The following ZNF800 variants were observed in gnomAD, a reference collection of about 807,000 sequenced individuals.
ZNF800 encodes the protein zinc finger protein 800.
ZNF800 carries 13 observed loss-of-function variants against 59.5 expected under a neutral mutation model. The observed-to-expected ratio is 0.22, with a 90% CI of 0.14 to 0.35. ZNF800 has a LOEUF of 0.35. Among genes scored for constraint, ZNF800 ranks in the 10% least tolerant of loss-of-function variants. ZNF800 has a pLI of 1.00. For missense variants in ZNF800, 621 were observed against 783.7 expected (o/e 0.79, Z 2.48); for synonymous variants, 266 against 265.7 (o/e 1.00, Z -0.01).
At chr7:127,343,951 GA>G (rs1275111407), downstream of ZNF800, among the ~76,000 whole-genome samples, 3 of 152,002 alleles carry the variant, frequency 2.0e-5, no homozygotes, top group Middle Eastern at 6.8e-3. Flanking sequence ...TAGTATATTT[GA>G]ACCATCAAAC....
At chr7:127,387,775 C>T (rs1801181934) in intron 2 of ZNF800, among the ~76,000 whole-genome samples, 1 of 152,044 alleles carries the variant, frequency 6.6e-6, no homozygotes, top group Non-Finnish European at 1.5e-5. Flanking sequence ...CTGGGAGGAT[C>T]GTTTGAGCCC....
chr7:127,386,630 A>G (rs946039729), intron 2 of ZNF800, among the ~76,000 whole-genome samples: 15 of 152,358 alleles, frequency 9.8e-5, no homozygotes, highest in African/African-American at 3.4e-4. Flanking sequence ...TGCCTAAAGA[A>G]ATAACTGAAC....
intron 3 of ZNF800, among the ~76,000 whole-genome samples, chr7:127,382,854 AGCG>A (rs1236067630): frequency 2.6e-5 from 4 of 152,262 alleles, no homozygotes; most frequent in Non-Finnish European, 4.4e-5. Flanking sequence ...ACCATGTAGC[AGCG>A]TTGCCTGAGC....
At position 127,391,380 on chromosome 7, in the gene ZNF800, A is replaced by G. The variant is rs1364660692; in HGVS notation, c.61+117T>C. On this transcript the variant is annotated intron_variant, in intron 2 of 5. Coordinates refer to ENST00000265827, the MANE Select transcript of ZNF800 (RefSeq NM_176814.5). ...CTTCATAACTGGCTTATGCTAGGGAATATCATAGCCTGCTTAAGAATGACT... is the reference window on the plus strand; with the variant it reads ...CTTCATAACTGGCTTATGCTAGGGAGTATCATAGCCTGCTTAAGAATGACT... 14 of 989,716 alleles carry G rather than the reference A, an allele frequency of 1.4e-5. No homozygotes were observed. In the East Asian group the frequency reaches 3.4e-4, roughly 24 times the overall value. 61.3% of individuals were successfully genotyped at this position (989,716 alleles called of 1,614,324 possible).
Position 127,374,517 on chromosome 7 carries a change from G to A in ZNF800, c.819C>T (p.Ser273=). The change falls in exon 5 of 6, where the codon TCC becomes TCT. Residue 273 remains serine (S), a synonymous_variant. Transcript: ENST00000265827. ...YIETRKNPNQ[S]SKGRSKNVLV... ...GAACATTCTTACTGCGTCCTTTAGA[G>A]GATTGGTTTGGATTCTTTCGTGTTT... The A allele has an allele frequency of 6.2e-7, 1 of 1,614,100 alleles. No individual in the cohort carries two copies. Among genetic ancestry groups the A allele is most frequent in the Non-Finnish European group, 8.5e-7 (1 of 1,179,990 alleles).
At chr7:127,383,604 A>G (rs553184336) in intron 3 of ZNF800, among the ~76,000 whole-genome samples, 16 of 152,280 alleles carry the variant, frequency 1.1e-4, no homozygotes, top group South Asian at 4.1e-4. Flanking sequence ...CTTCCATACC[A>G]TTCTCCCAAG....
At chr7:127,350,332 T>G (rs966463032) in intron 1 of ZNF800, 2 of 152,194 alleles carry the variant, frequency 1.3e-5, no homozygotes, top group Non-Finnish European at 2.9e-5. Context: ...GAAAGAAAAA[T>G]GACTGTTTCC....
In ZNF800 at chr7:127,374,733, A is replaced by C; in HGVS notation, c.603T>G (p.Asp201Glu). The C allele has an allele frequency of 6.2e-7, 1 of 1,613,998 alleles. No individual in the cohort carries two copies. The highest frequency in any genetic ancestry group is 8.5e-7 in the Non-Finnish European group (1 of 1,179,932). The change falls in exon 5 of 6, where the codon GAT (aspartate) becomes GAG (glutamate). Residue 201 changes from aspartate (D) to glutamate (E), a missense_variant. Coordinates refer to ENST00000265827, the MANE Select transcript of ZNF800 (RefSeq NM_176814.5). ...GTTCATCAGATGTAGGTGCAACTTC[A>C]TCTGTAACAATCTCAACAGGAGGGG... ...VEPPPVEIVT[D>E]EVAPTSDEQP... is the part of the protein sequence containing the mutation.
chr7:127,347,564 A>C (rs571129598), exon 2 of ZNF800: 1 of 152,394 alleles, frequency 6.6e-6, no homozygotes, highest in South Asian at 2.1e-4. Flanking sequence ...ATTCTCAAAG[A>C]AGCCGGGATT....
In ZNF800 at chr7:127,371,557, G is replaced by A. The variant is rs1800632165; in HGVS notation, c.*257C>T. 2 of 351,672 alleles carry A rather than the reference G, an allele frequency of 5.7e-6. No individual in the cohort carries two copies. Among genetic ancestry groups the A allele is most frequent in the Non-Finnish European group, 1.0e-5 (2 of 194,976 alleles). The allele number at this position is 351,672 out of a possible 1,614,324, so 21.8% of individuals were successfully genotyped here. A position where few individuals can be genotyped will look rare whatever the true frequency, so the allele number is the denominator to read the frequency against. ...TGTCGACCAAATGCACAAGGTCAAG[G>A]GTGGATAGCTGATGGACTGTGATGA... On this transcript the variant is annotated 3_prime_UTR_variant, in exon 6 of 6. Transcript: ENST00000265827.
At chr7:127,346,178 G>A (rs1333281584), downstream of ZNF800, among the ~76,000 whole-genome samples, 1 of 152,190 alleles carries the variant, frequency 6.6e-6, no homozygotes, top group Non-Finnish European at 1.5e-5. Context: ...AGATGAGAAA[G>A]TCTGTATGTA....
Position 127,392,092 on chromosome 7 carries a change from A to C in ZNF800, c.-91T>G. The C allele has an allele frequency of 2.6e-6, 1 of 390,000 alleles. No homozygotes were observed. Among genetic ancestry groups the C allele is most frequent in the Admixed American group, 4.5e-5 (1 of 22,062 alleles). 24.2% of individuals were successfully genotyped at this position (390,000 alleles called of 1,614,324 possible). On this transcript the variant is annotated 5_prime_UTR_variant, in exon 1 of 6. Transcript: ENST00000265827. ...TTAGGGCGGGCCGGCGGGCGGGCGGAAGGAAGGAAGGCAGGCCGGGCGGCC... is the reference window on the plus strand; with the variant it reads ...TTAGGGCGGGCCGGCGGGCGGGCGGCAGGAAGGAAGGCAGGCCGGGCGGCC...
chr7:127,345,307 A>C (rs1800038993), downstream of ZNF800, among the ~76,000 whole-genome samples: 1 of 150,764 alleles, frequency 6.6e-6, no homozygotes, highest in African/African-American at 2.4e-5. Flanking sequence ...CCCCCCCCCA[A>C]AGGTAAATAA....
intron 2 of ZNF800, among the ~76,000 whole-genome samples, chr7:127,387,568 AAG>A (rs1259906198): frequency 6.6e-6 from 1 of 152,240 alleles, no homozygotes; most frequent in Non-Finnish European, 1.5e-5. Context: ...CCCCAATTTT[AAG>A]AGACACTTGG....
intron 1 of ZNF800, among the ~76,000 whole-genome samples, chr7:127,359,399 A>C (rs1035388478): frequency 6.6e-6 from 1 of 152,156 alleles, no homozygotes; most frequent in African/African-American, 2.4e-5. Context: ...AAAAGCTATA[A>C]CACTATTTCC....
At chr7:127,360,116 T>G (rs916932971) in intron 1 of ZNF800, 1 of 152,008 alleles carries the variant, frequency 6.6e-6, no homozygotes, top group Non-Finnish European at 1.5e-5. Context: ...TATGTTAAGG[T>G]TTGAGGTTCT....
intron 1 of ZNF800, chr7:127,361,404 T>G (rs905379761): frequency 2.0e-5 from 3 of 151,922 alleles, no homozygotes; most frequent in Non-Finnish European, 4.4e-5. Flanking sequence ...TAGAGAGACC[T>G]CATCTCTACA....
chr7:127,353,013 T>C (rs952045446), intron 1 of ZNF800, among the ~76,000 whole-genome samples: 1 of 152,208 alleles, frequency 6.6e-6, no homozygotes. Context: ...GCTTAGTTTT[T>C]ACAGCAGATA....
rs190726833 is a variant in ZNF800 at position 127,392,409 on chromosome 7, C to G, written c.-408G>C. The stretch of plus-strand genomic sequence containing the variant: ...CCGCCACCACCGAAGGAGCCGGAAC[C>G]GGAGCGGGCAGGACCTGAGGCTTCC... On this transcript the variant is annotated 5_prime_UTR_variant, in exon 1 of 6. Transcript: ENST00000265827. The G allele has an allele frequency of 2.6e-6, 1 of 378,524 alleles. No individual in the cohort carries two copies. The highest frequency in any genetic ancestry group is 4.7e-6 in the Non-Finnish European group (1 of 213,574). 23.4% of individuals were successfully genotyped at this position (378,524 alleles called of 1,614,324 possible). A position where few individuals can be genotyped will look rare whatever the true frequency, so the allele number is the denominator to read the frequency against.
Sources: allele counts gnomAD v4.1 joint callset (sites outside exome capture counted in the v4.1 genomes callset), GRCh38; gene constraint gnomAD v4.1.1; transcripts MANE v1.5; gene names NCBI Gene and HGNC (gene_info 2026-07-23, HGNC 2026-07-21).